Variants in HTT observed in about 807,000 individuals in gnomAD.
The protein encoded by HTT is huntington disease protein.
A neutral mutation model predicts 362.3 loss-of-function variants in HTT; 104 were observed. The ratio of observed to expected loss-of-function variants is 0.29; its 90% CI spans 0.24 to 0.34. The LOEUF (loss-of-function observed/expected upper bound fraction) is 0.34, where lower values mean the gene tolerates loss of function less well. HTT is among the 10% of genes least tolerant of loss of function. HTT has a pLI of 1.00. For missense variants in HTT, 3,301 were observed against 3,928.6 expected (o/e 0.84, Z 4.27); for synonymous variants, 1,577 against 1,548.7 (o/e 1.02, Z -0.43).
At chr4:3,130,995 C>T (rs1023514197) in intron 14 of HTT, among the ~76,000 whole-genome samples, 10 of 152,018 alleles carry the variant, frequency 6.6e-5, no homozygotes, top group Non-Finnish European at 1.3e-4. Flanking sequence ...CTGCAGCAGC[C>T]GTTCCTGAAT....
chr4:3,236,110 G>A (rs1460693184), intron 63 of HTT, 39 bp from the exon 64 acceptor site: 2 of 1,414,458 alleles, frequency 1.4e-6, no homozygotes, highest in South Asian at 1.1e-5. Flanking sequence ...CTATTGGGTT[G>A]TATAGAGGTA....
At chr4:3,195,073 C>T (rs1719184045) in intron 40 of HTT, among the ~76,000 whole-genome samples, 1 of 152,162 alleles carries the variant, frequency 6.6e-6, no homozygotes, top group African/African-American at 2.4e-5. Flanking sequence ...TTTCTCTCAT[C>T]AGGCCACTTC....
chr4:3,089,164 T>TG (rs1419841804), intron 2 of HTT, among the ~76,000 whole-genome samples: 1 of 152,178 alleles, frequency 6.6e-6, no homozygotes, highest in East Asian at 1.9e-4. Flanking sequence ...TGAAACACTG[T>TG]GAAAAAGCAA....
In HTT at chr4:3,180,535, A is replaced by G. The variant is rs1372380539; in HGVS notation, c.4633A>G (p.Ile1545Val). The change falls in exon 36 of 67, where the codon ATA (isoleucine) becomes GTA (valine). Residue 1545 changes from isoleucine to valine, a missense_variant. This residue lies in a region of HTT where 2,316 missense variants were observed against 2,658.5 expected (regional missense o/e 0.87). Transcript: ENST00000355072. ...VTHAIPALQP[I>V]VHDLFVLRGT... ...CACAGCCATACCGGCTCTGCAGCCC[A>G]TAGTCCACGACCTCTTTGTATTAAG... 4.3e-6 allele frequency: 7 copies of G among 1,609,926 alleles called. No homozygotes were observed. The highest frequency in any genetic ancestry group is 2.2e-5 in the South Asian group (2 of 90,334).
intron 11 of HTT, among the ~76,000 whole-genome samples, chr4:3,126,687 A>T (rs924558873): frequency 6.6e-6 from 1 of 152,206 alleles, no homozygotes; most frequent in Non-Finnish European, 1.5e-5. Flanking sequence ...CAACAGCTTC[A>T]TGTCGACCTT....
intron 22 of HTT, among the ~76,000 whole-genome samples, chr4:3,142,351 T>C (rs1295384519): frequency 6.6e-6 from 1 of 152,214 alleles, no homozygotes; most frequent in Non-Finnish European, 1.5e-5. Flanking sequence ...CCATGTGTTC[T>C]AAAGGAATTA....
At chr4:3,099,563 G>T (rs557851504) in intron 3 of HTT, among the ~76,000 whole-genome samples, 169 bp downstream of exon 3, 1 of 145,526 alleles carries the variant, frequency 6.9e-6, no homozygotes, top group African/African-American at 2.6e-5. Flanking sequence ...GAGGTGCTCT[G>T]TTGTATGGTT....
chr4:3,159,131 G>A (rs759495760), intron 28 of HTT, among the ~76,000 whole-genome samples: 6 of 152,106 alleles, frequency 3.9e-5, no homozygotes, highest in Non-Finnish European at 8.8e-5. Flanking sequence ...GTTGCTCAGC[G>A]TCTCCACTCC....
At chr4:3,146,009 T>G (rs1305778128) in intron 24 of HTT, among the ~76,000 whole-genome samples, 2 of 152,216 alleles carry the variant, frequency 1.3e-5, no homozygotes, top group Non-Finnish European at 2.9e-5. Flanking sequence ...TCCGTTCAAG[T>G]AAACATACAG....
At chr4:3,174,141 T>C (rs1718123003) in intron 31 of HTT, among the ~76,000 whole-genome samples, 1 of 149,020 alleles carries the variant, frequency 6.7e-6, no homozygotes, top group Admixed American at 6.6e-5. Context: ...ATTAAAACAC[T>C]AGAGTCAGGA....
intron 29 of HTT, among the ~76,000 whole-genome samples, chr4:3,163,878 G>T (rs1717569580): frequency 6.7e-6 from 1 of 149,818 alleles, no homozygotes; most frequent in Admixed American, 6.6e-5. Flanking sequence ...CCAGCACCTG[G>T]ATTCATTGAT....
At chr4:3,182,524 C>T in intron 37 of HTT, 54 bp downstream of exon 37, 1 of 1,136,088 alleles carries the variant, frequency 8.8e-7, no homozygotes, top group South Asian at 1.3e-5. Context: ...GCTTAAGGTC[C>T]TTGTGAAAGG....
At chr4:3,130,667 G>A (rs1397077142) in intron 14 of HTT, among the ~76,000 whole-genome samples, 2 of 152,148 alleles carry the variant, frequency 1.3e-5, no homozygotes, top group South Asian at 2.1e-4. Flanking sequence ...TGTACTGAAT[G>A]TTTCCTTGTC....
intron 8 of HTT, among the ~76,000 whole-genome samples, chr4:3,117,060 T>C (rs1242783448): frequency 6.6e-6 from 1 of 152,224 alleles, no homozygotes; most frequent in Non-Finnish European, 1.5e-5. Context: ...GTAGTGTTTG[T>C]AAAATGCTTA....
rs1560579011 is a variant in HTT, at chr4:3,172,905, T to C, written c.3943-3T>C. ...TGTTGATGCCTCATTTTTTTCACTG[T>C]AGTTGTTGAAGACTCTCTTTGGCAC... On this transcript the variant is annotated splice_polypyrimidine_tract_variant and splice_region_variant and intron_variant, in intron 30 of 66. Coordinates refer to ENST00000355072, the MANE Select transcript of HTT (RefSeq NM_001388492.1). The C allele has an allele frequency of 6.2e-7, 1 of 1,609,564 alleles. No homozygotes were observed.
At chr4:3,134,336 C>A in intron 18 of HTT, 65 bp from the exon 19 acceptor site, 1 of 1,457,654 alleles carries the variant, frequency 6.9e-7, no homozygotes, top group Non-Finnish European at 9.3e-7. Flanking sequence ...GTTCTCAAAC[C>A]GTCAAGACGC....
chr4:3,164,241 T>C (rs1242010877), intron 29 of HTT, among the ~76,000 whole-genome samples: 1 of 152,230 alleles, frequency 6.6e-6, no homozygotes, highest in African/African-American at 2.4e-5. Context: ...TGGTTTTGAG[T>C]GAGATTCTCA....
chr4:3,121,374 C>G lies in HTT; in HGVS notation c.1215C>G (p.Thr405=), dbSNP rs374296062. The part of the protein sequence containing the change: ...LTAVGGIGQL[T]AAKEESGGRS... Reference sequence around the variant, plus strand: ...CAGTCGGGGGCATTGGGCAGCTCACCGCTGCTAAGGAGGAGTCTGGTGGCC... The same window carrying G: ...CAGTCGGGGGCATTGGGCAGCTCACGGCTGCTAAGGAGGAGTCTGGTGGCC... Residue 405 remains threonine (T), a synonymous_variant, in exon 9 of 67, where the codon ACC becomes ACG. Transcript: ENST00000355072. 30 of 1,613,972 alleles carry G rather than the reference C, an allele frequency of 1.9e-5. No homozygotes were observed. Among genetic ancestry groups the G allele is most frequent in the Non-Finnish European group, 2.4e-5 (28 of 1,180,004 alleles).
At chr4:3,233,071 G>A (rs910312778) in intron 60 of HTT, 92 bp from the exon 61 acceptor site, 112 of 1,050,648 alleles carry the variant, frequency 1.1e-4, no homozygotes, top group African/African-American at 5.0e-4. Context: ...GCACACAAGC[G>A]TGAGGGCAGC....
Sources: allele counts gnomAD v4.1 joint callset (sites outside exome capture counted in the v4.1 genomes callset), GRCh38; gene constraint gnomAD v4.1.1; regional missense constraint gnomAD v4.1.1; transcripts MANE v1.5; gene names NCBI Gene and HGNC (gene_info 2026-07-23, HGNC 2026-07-21).